The following GABRG1 variants were observed in gnomAD, a reference collection of about 807,000 sequenced individuals.
GABRG1 encodes gamma-aminobutyric acid receptor subunit gamma-1.
GABRG1 carries 49 observed loss-of-function variants against 49.8 expected under a neutral mutation model. That is an observed-to-expected ratio of 0.98 (90% CI 0.78 to 1.25). The LOEUF (loss-of-function observed/expected upper bound fraction) is 1.25. GABRG1 is among the 50% of genes most tolerant of loss of function. GABRG1 has a pLI of 0.00. For missense variants in GABRG1, 552 were observed against 552.3 expected (o/e 1.00, Z 0.01); for synonymous variants, 232 against 185.1 (o/e 1.25, Z -2.06).
In GABRG1 at chr4:46,062,869, C is replaced by T. The variant is rs368988770; in HGVS notation, c.625+1572G>A. ...AAAAATCACAAGCATTCTTATACAC[C>T]AATAACAGACAAACAGAGAGCCAAA... On this transcript the variant is annotated intron_variant, in intron 5 of 8. Transcript: ENST00000295452. Among the ~76,000 whole-genome samples, 140 of 151,956 alleles carry T rather than the reference C, an allele frequency of 9.2e-4. 3 individuals are homozygous for T. In the East Asian group the frequency reaches 0.02, roughly 22 times the overall value.
chr4:46,040,263 T>G lies in GABRG1; in HGVS notation c.*725A>C, dbSNP rs549125548. ...AGCAGAGAATAAAATGGTTAGATTT[T>G]ACCTGATTTTTTCATCTTGCATTCT... On this transcript the variant is annotated 3_prime_UTR_variant, in exon 9 of 9. Coordinates refer to ENST00000295452, the MANE Select transcript of GABRG1 (RefSeq NM_173536.4). 1 of 152,148 alleles carries G rather than the reference T, an allele frequency of 6.6e-6. No individual in the cohort carries two copies. Among genetic ancestry groups the G allele is most frequent in the South Asian group, 2.1e-4 (1 of 4,828 alleles). 9.4% of individuals were successfully genotyped at this position (152,148 alleles called of 1,614,324 possible).
intron 8 of GABRG1, among the ~76,000 whole-genome samples, chr4:46,044,743 C>A (rs1159814498): frequency 6.6e-6 from 1 of 152,006 alleles, no homozygotes; most frequent in Non-Finnish European, 1.5e-5. Flanking sequence ...AAATGTCCAC[C>A]TCCAGATCAG....
chr4:46,114,798 T>C (rs75025317), intron 1 of GABRG1, among the ~76,000 whole-genome samples: 2,913 of 151,008 alleles, frequency 0.019, 97 homozygotes, highest in African/African-American at 0.066. Context: ...TTAAAAAACA[T>C]ACTAACTTTC....
chr4:46,047,949 T>C (rs932941207), intron 8 of GABRG1, among the ~76,000 whole-genome samples: 6 of 152,100 alleles, frequency 3.9e-5, no homozygotes, highest in African/African-American at 1.4e-4. Flanking sequence ...AATAAATTTC[T>C]ATAATTTCAC....
At chr4:46,110,065 T>C (rs1720670272) in intron 1 of GABRG1, among the ~76,000 whole-genome samples, 1 of 151,110 alleles carries the variant, frequency 6.6e-6, no homozygotes, top group Non-Finnish European at 1.5e-5. Context: ...ACAGAATTTC[T>C]TTTTTACTTT....
chr4:46,038,800 T>A lies in GABRG1; in HGVS notation c.*2188A>T, dbSNP rs964896860. The A allele has an allele frequency of 1.3e-5, 2 of 151,772 alleles. No homozygotes were observed. Among genetic ancestry groups the A allele is most frequent in the African/African-American group, 4.8e-5 (2 of 41,426 alleles). The allele number at this position is 151,772 out of a possible 1,614,324, so 9.4% of individuals were successfully genotyped here. ...TGAAAACAAAGTGCTTGCTTGATGG[T>A]ATATACAAGGAAAGGCATCTTTCAT... On this transcript the variant is annotated 3_prime_UTR_variant, in exon 9 of 9. Transcript: ENST00000295452.
At chr4:46,102,747 G>C (rs948945653) in intron 1 of GABRG1, among the ~76,000 whole-genome samples, 7 of 151,520 alleles carry the variant, frequency 4.6e-5, no homozygotes, top group Admixed American at 2.6e-4. Context: ...AGAAATTACT[G>C]TATGTGGGAA....
In GABRG1 at chr4:46,109,828, G is replaced by A. The variant is rs929953463; in HGVS notation, c.105-12479C>T. ...TCCATATAATTGTATGGTTCCAAGA[G>A]ATCTTCTTGGTATTGATATCTATTT... is the stretch of plus-strand genomic sequence containing the variant. On this transcript the variant is annotated intron_variant, in intron 1 of 8. Coordinates refer to ENST00000295452, the MANE Select transcript of GABRG1 (RefSeq NM_173536.4). 7.3e-5 allele frequency among the ~76,000 whole-genome samples: 11 copies of A among 151,142 alleles called. No individual in the cohort carries two copies. In the South Asian group the frequency reaches 8.3e-4, roughly 11 times the overall value.
intron 1 of GABRG1, among the ~76,000 whole-genome samples, chr4:46,120,703 A>C (rs1363036308): frequency 1.3e-5 from 2 of 151,810 alleles, no homozygotes; most frequent in Non-Finnish European, 2.9e-5. Flanking sequence ...AAATTGCTTG[A>C]AAATAATATA....
chr4:46,038,206 A>G lies in GABRG1; in HGVS notation c.*2782T>C, dbSNP rs941346094. On this transcript the variant is annotated 3_prime_UTR_variant, in exon 9 of 9. Transcript: ENST00000295452. ...TTCTCAAGTATTCTATGTATTTTTTACTTTTTTTTAGAACTTACTTGGGTT... is the reference window on the plus strand; with the variant it reads ...TTCTCAAGTATTCTATGTATTTTTTGCTTTTTTTTAGAACTTACTTGGGTT... 1 of 151,534 alleles carries G rather than the reference A, an allele frequency of 6.6e-6. No homozygotes were observed. The highest frequency in any genetic ancestry group is 2.4e-5 in the African/African-American group (1 of 41,368). 9.4% of individuals were successfully genotyped at this position (151,534 alleles called of 1,614,324 possible). A position where few individuals can be genotyped will look rare whatever the true frequency, so the allele number is the denominator to read the frequency against.
Position 46,121,162 on chromosome 4 carries a change from C to T in GABRG1, c.104+2648G>A, listed in dbSNP as rs188091107. ...ACTAAGCATTACAACTGATTAAATACAAAAAAAATGCTTCCAATTTGGGAA... is the reference window on the plus strand; with the variant it reads ...ACTAAGCATTACAACTGATTAAATATAAAAAAAATGCTTCCAATTTGGGAA... On this transcript the variant is annotated intron_variant, in intron 1 of 8. Transcript: ENST00000295452. Among the ~76,000 whole-genome samples the T allele has an allele frequency of 2.0e-5, 3 of 151,334 alleles. No homozygotes were observed. The East Asian group carries it at 5.8e-4, about 29-fold the overall frequency.
At chr4:46,095,714 T>G (rs1259162967) in intron 2 of GABRG1, among the ~76,000 whole-genome samples, 1 of 151,820 alleles carries the variant, frequency 6.6e-6, no homozygotes, top group East Asian at 1.9e-4. Flanking sequence ...TTCAAATCAA[T>G]AGAAAAATAA....
At chr4:46,103,371 A>C (rs78801508) in intron 1 of GABRG1, among the ~76,000 whole-genome samples, 2,434 of 151,702 alleles carry the variant, frequency 0.016, 65 homozygotes, top group African/African-American at 0.056. Flanking sequence ...CTGGATAGTA[A>C]ATATAATAAA....
chr4:46,086,467 C>T (rs1229192853), intron 2 of GABRG1, among the ~76,000 whole-genome samples: 1 of 151,386 alleles, frequency 6.6e-6, no homozygotes, highest in African/African-American at 2.4e-5. Context: ...TCTAATTTCA[C>T]TAAGATATCT....
intron 2 of GABRG1, among the ~76,000 whole-genome samples, chr4:46,093,254 T>C (rs1414978173): frequency 2.0e-5 from 3 of 151,926 alleles, no homozygotes; most frequent in Non-Finnish European, 4.4e-5. Flanking sequence ...ATGTATACAA[T>C]TGAGTACCAT....
rs115167857 is a variant in GABRG1 at position 46,101,567 on chromosome 4, T to C, written c.105-4218A>G. 8.2e-3 allele frequency among the ~76,000 whole-genome samples: 1,246 copies of C among 151,736 alleles called. 5 individuals carry two copies. The highest frequency in any genetic ancestry group is 0.012 in the Non-Finnish European group (845 of 67,760). On this transcript the variant is annotated intron_variant, in intron 1 of 8. Transcript: ENST00000295452. ...CATCTACAGAGATAATACCGTGTAC[T>C]AAAAATGTGCTAAGTGCTAGGAATA...
rs1228622858 is a variant in GABRG1, at chr4:46,039,578, C to T, written c.*1410G>A. 1 of 151,644 alleles carries T rather than the reference C, an allele frequency of 6.6e-6. No individual in the cohort carries two copies. The highest frequency in any genetic ancestry group is 6.6e-5 in the Admixed American group (1 of 15,150). 9.4% of individuals were successfully genotyped at this position (151,644 alleles called of 1,614,324 possible). On this transcript the variant is annotated 3_prime_UTR_variant, in exon 9 of 9. Transcript: ENST00000295452. ...CATTGGTCTTGGCAACAGAAACAATCTTTAAAGGTTATTTCCAAGCTAAAC... is the reference window on the plus strand; with the variant it reads ...CATTGGTCTTGGCAACAGAAACAATTTTTAAAGGTTATTTCCAAGCTAAAC...
intron 1 of GABRG1, among the ~76,000 whole-genome samples, chr4:46,115,797 C>T (rs541874147): frequency 8.2e-4 from 124 of 150,554 alleles, no homozygotes; most frequent in African/African-American, 2.4e-3. Flanking sequence ...AAAAATGAGT[C>T]GGACAATTGC....
intron 1 of GABRG1, among the ~76,000 whole-genome samples, chr4:46,097,720 T>C (rs1720226863): frequency 6.6e-6 from 1 of 150,978 alleles, no homozygotes; most frequent in Non-Finnish European, 1.5e-5. Context: ...CAACCAAAAA[T>C]AAAAATTAAA....
Sources: gnomAD v4.1 joint callset for allele counts (sites outside exome capture counted in the v4.1 genomes callset) on GRCh38, gnomAD v4.1.1 for gene constraint, MANE v1.5 for transcripts, NCBI Gene and HGNC (gene_info 2026-07-23, HGNC 2026-07-21) for gene names.